The following ARHGEF26 variants were observed in gnomAD, a reference collection of about 807,000 sequenced individuals.
The protein encoded by ARHGEF26 is Rho guanine nucleotide exchange factor (GEF) 26.
Under a neutral mutation model 89.4 loss-of-function variants are expected in ARHGEF26, and 59 were observed. The ratio of observed to expected loss-of-function variants is 0.66; its 90% CI spans 0.54 to 0.82. The LOEUF (loss-of-function observed/expected upper bound fraction) is 0.82. Ranked by LOEUF, ARHGEF26 falls within the 40% of genes least tolerant of loss-of-function variation. The pLI is 0.00. For synonymous variants in ARHGEF26, 500 were observed against 428.4 expected, an observed-to-expected ratio of 1.17 and a Z score of -2.06; for missense variants, 1,234 against 1,085.6, an observed-to-expected ratio of 1.14 and a Z score of -1.92.
At chr3:154,237,538 T>TCACACACACACACACA (rs71152796) in intron 11 of ARHGEF26, among the ~76,000 whole-genome samples, 1,484 of 143,254 alleles carry the variant, frequency 0.01, 21 homozygotes, top group East Asian at 0.031. Flanking sequence ...TGAGACTCCG[T>TCACACACACACACACA]CACACACACA....
At chr3:154,229,354 G>A (rs1716694754) in intron 11 of ARHGEF26, among the ~76,000 whole-genome samples, 1 of 152,084 alleles carries the variant, frequency 6.6e-6, no homozygotes, top group South Asian at 2.1e-4. Context: ...TGGGGCTGTG[G>A]GCATGTGCCT....
chr3:154,135,839 T>G (rs190843676), intron 4 of ARHGEF26, among the ~76,000 whole-genome samples: 7 of 152,076 alleles, frequency 4.6e-5, no homozygotes, highest in Admixed American at 2.0e-4. Context: ...TTGACTAGAG[T>G]TTTTGCTTTT....
chr3:154,251,365 A>G (rs1217310111), intron 12 of ARHGEF26, among the ~76,000 whole-genome samples: 3 of 152,236 alleles, frequency 2.0e-5, no homozygotes, highest in Non-Finnish European at 1.5e-5. Context: ...ACAAGGCCCA[A>G]TTCCTGCCAT....
intron 11 of ARHGEF26, among the ~76,000 whole-genome samples, chr3:154,236,422 T>A (rs116993460): frequency 6.6e-6 from 1 of 152,212 alleles, no homozygotes; most frequent in African/African-American, 2.4e-5. Context: ...GGAGCACATA[T>A]AAGACAATCA....
intron 11 of ARHGEF26, among the ~76,000 whole-genome samples, chr3:154,236,466 G>A (rs1265487990): frequency 1.3e-5 from 2 of 152,214 alleles, no homozygotes; most frequent in African/African-American, 4.8e-5. Context: ...TCCATGCAAG[G>A]AAAGATGGTT....
At chr3:154,250,382 A>G in intron 12 of ARHGEF26, among the ~76,000 whole-genome samples, 1 of 149,446 alleles carries the variant, frequency 6.7e-6, no homozygotes, top group East Asian at 1.9e-4. Context: ...ACAGCATCTA[A>G]GAGGGGGGGG....
intron 4 of ARHGEF26, among the ~76,000 whole-genome samples, chr3:154,136,031 GA>G (rs1268639196): frequency 4.6e-5 from 7 of 152,190 alleles, no homozygotes; most frequent in East Asian, 1.9e-4. Context: ...CCATCACCTT[GA>G]AATGCCAGAT....
intron 6 of ARHGEF26, among the ~76,000 whole-genome samples, chr3:154,157,596 ACAGCTAG>A (rs1254340226): frequency 3.3e-5 from 5 of 152,096 alleles, no homozygotes; most frequent in Non-Finnish European, 4.4e-5. Flanking sequence ...TTGAAGTAAC[ACAGCTAG>A]CTAGGGTGGA....
intron 6 of ARHGEF26, among the ~76,000 whole-genome samples, chr3:154,184,165 G>C (rs1326022972): frequency 6.6e-6 from 1 of 151,944 alleles, no homozygotes; most frequent in African/African-American, 2.4e-5. Flanking sequence ...GTAGAGATGA[G>C]GTTTCACTGT....
chr3:154,192,595 T>G (rs1398397028), intron 8 of ARHGEF26, among the ~76,000 whole-genome samples: 2 of 152,240 alleles, frequency 1.3e-5, no homozygotes, highest in Non-Finnish European at 2.9e-5. Context: ...AACATTTCAC[T>G]TTCTGATTTT....
intron 11 of ARHGEF26, among the ~76,000 whole-genome samples, chr3:154,235,122 A>G (rs1056724953): frequency 4.6e-5 from 7 of 151,994 alleles, no homozygotes; most frequent in African/African-American, 7.3e-5. Flanking sequence ...GTGTTTTACA[A>G]TCAACTCAAC....
intron 9 of ARHGEF26, among the ~76,000 whole-genome samples, chr3:154,215,877 A>G (rs1715691977): frequency 6.6e-6 from 1 of 152,182 alleles, no homozygotes; most frequent in African/African-American, 2.4e-5. Context: ...CAACATGAAT[A>G]TGGGGGAGAC....
intron 10 of ARHGEF26, among the ~76,000 whole-genome samples, chr3:154,221,160 C>T (rs76124499): frequency 6.6e-6 from 1 of 151,188 alleles, no homozygotes; most frequent in Admixed American, 6.6e-5. Flanking sequence ...AAAAAAAAAC[C>T]ACTAGAAAGT....
At chr3:154,231,586 T>C (rs1716823764) in intron 11 of ARHGEF26, among the ~76,000 whole-genome samples, 1 of 80 alleles carries the variant, frequency 0.013, no homozygotes, top group Admixed American at 0.12. Context: ...TTTTTGGTAT[T>C]GTGTTCTCTC....
intron 12 of ARHGEF26, among the ~76,000 whole-genome samples, chr3:154,249,376 A>G (rs1299290196): frequency 6.6e-6 from 1 of 152,264 alleles, no homozygotes; most frequent in East Asian, 1.9e-4. Flanking sequence ...TATGAGAGAC[A>G]GGACAAGGTG....
chr3:154,219,411 G>A (rs949022304), intron 10 of ARHGEF26, among the ~76,000 whole-genome samples: 1 of 151,826 alleles, frequency 6.6e-6, no homozygotes, highest in Non-Finnish European at 1.5e-5. Flanking sequence ...CCTGACCAAC[G>A]TGATGAAACC....
intron 12 of ARHGEF26, among the ~76,000 whole-genome samples, chr3:154,242,405 G>T (rs879911452): frequency 6.6e-6 from 1 of 152,148 alleles, no homozygotes; most frequent in Admixed American, 6.6e-5. Flanking sequence ...AGACTTCAGC[G>T]GAGGAAGCAA....
rs145586180 is a variant in ARHGEF26, at chr3:154,227,673, T to G, written c.2090+1663T>G. 4.9e-3 allele frequency among the ~76,000 whole-genome samples: 754 copies of G among 152,366 alleles called. 14 individuals are homozygous for G. Among genetic ancestry groups the G allele is most frequent in the African/African-American group, 0.017 (710 of 41,592 alleles). ...TATGAGATAGCATTTTTCCTTGGCT[T>G]TCTCCAGGATGTTTTGTTTTTAGGG... On this transcript the variant is annotated intron_variant, in intron 11 of 14. Coordinates refer to ENST00000465093, the MANE Select transcript of ARHGEF26 (RefSeq NM_015595.4).
chr3:154,224,943 A>T (rs918391097), intron 10 of ARHGEF26, among the ~76,000 whole-genome samples: 2 of 151,996 alleles, frequency 1.3e-5, no homozygotes, highest in Non-Finnish European at 1.5e-5. Context: ...GAAAAGGGTG[A>T]TGTTTGATTG....
Sources: gnomAD v4.1 joint callset for allele counts (sites outside exome capture counted in the v4.1 genomes callset) on GRCh38, gnomAD v4.1.1 for gene constraint, MANE v1.5 for transcripts, NCBI Gene and HGNC (gene_info 2026-07-23, HGNC 2026-07-21) for gene names.